DEK: variants seen among roughly 807,000 people sequenced by gnomAD.
DEK encodes protein DEK.
DEK carries 28 observed loss-of-function variants against 46.8 expected under a neutral mutation model. That is an observed-to-expected ratio of 0.60 (90% CI 0.44 to 0.82). The LOEUF (loss-of-function observed/expected upper bound fraction) is 0.82, where lower values mean the gene tolerates loss of function less well. Among genes scored for constraint, DEK ranks in the 40% least tolerant of loss-of-function variants. The probability of loss-of-function intolerance (pLI) is 0.00; values close to 1 mark genes in which losing one functional copy is unlikely to be tolerated. For synonymous variants in DEK, 160 were observed against 144.5 expected, an observed-to-expected ratio of 1.11 and a Z score of -0.77; for missense variants, 416 against 430.6, an observed-to-expected ratio of 0.97 and a Z score of 0.30.
intron 1 of DEK, 150 bp downstream of exon 1, chr6:18,264,235 G>A: frequency 3.3e-6 from 1 of 301,936 alleles, no homozygotes; most frequent in Non-Finnish European, 6.0e-6. Context: ...GCGCGCGCCC[G>A]CCCGGCCTGC....
At chr6:18,236,166 C>G (rs545515613) in intron 9 of DEK, among the ~76,000 whole-genome samples, 20 of 152,260 alleles carry the variant, frequency 1.3e-4, no homozygotes, top group African/African-American at 4.8e-4. Flanking sequence ...ATAGAAACAA[C>G]CTACAGATCA....
At chr6:18,259,511 T>C (rs1338003332) in intron 2 of DEK, among the ~76,000 whole-genome samples, 1 of 150,064 alleles carries the variant, frequency 6.7e-6, no homozygotes, top group Non-Finnish European at 1.5e-5. Flanking sequence ...ATTTTTTGAA[T>C]GAAATAAAGT....
At chr6:18,247,992 C>CACCT (rs1245618481) in intron 7 of DEK, among the ~76,000 whole-genome samples, 1 of 152,050 alleles carries the variant, frequency 6.6e-6, no homozygotes, top group Non-Finnish European at 1.5e-5. Flanking sequence ...TTTTAACCTG[C>CACCT]ACCTAGTAAT....
At chr6:18,226,375 A>C in intron 9 of DEK, 133 bp from the exon 10 acceptor site, 2 of 706,444 alleles carry the variant, frequency 2.8e-6, no homozygotes, top group Non-Finnish European at 4.1e-6. Context: ...TGGTTAACCC[A>C]TATGGAATTC....
At chr6:18,236,319 G>C in intron 9 of DEK, 133 bp downstream of exon 9, 1 of 898,002 alleles carries the variant, frequency 1.1e-6, no homozygotes, top group Non-Finnish European at 1.6e-6. Context: ...CCTGTAAGGA[G>C]ATCTGGCATA....
chr6:18,236,344 A>G lies in DEK; in HGVS notation c.1047+108T>C, dbSNP rs1019051614. On this transcript the variant is annotated intron_variant, in intron 9 of 10. Transcript: ENST00000652689. ...GATCTGGCATATAGTAGTTCAATAA[A>G]TCTTTCTTCAATAAGTGAATGCACG... 7 of 1,232,466 alleles carry G rather than the reference A, an allele frequency of 5.7e-6. No individual in the cohort carries two copies. The Admixed American group carries it at 1.7e-4, about 31-fold the overall frequency. 76.3% of individuals were successfully genotyped at this position (1,232,466 alleles called of 1,614,324 possible).
At chr6:18,255,934 C>A in intron 5 of DEK, 83 bp from the exon 6 acceptor site, 2 of 1,462,218 alleles carry the variant, frequency 1.4e-6, no homozygotes. Flanking sequence ...GAAAGCCAAC[C>A]AAATTGGCTC....
intron 6 of DEK, among the ~76,000 whole-genome samples, chr6:18,254,546 T>C (rs1262701236): frequency 1.3e-5 from 2 of 152,150 alleles, no homozygotes; most frequent in Non-Finnish European, 2.9e-5. Context: ...TAATGTCAAA[T>C]ACAGTGAAGA....
chr6:18,264,183 G>C, intron 1 of DEK, 187 bp from the exon 2 acceptor site: 1 of 457,160 alleles, frequency 2.2e-6, no homozygotes, highest in Non-Finnish European at 3.6e-6. Context: ...CCGCCGTCCA[G>C]GGATTCCCGA....
chr6:18,226,081 G>A (rs1790112413), intron 10 of DEK, 93 bp downstream of exon 10: 1 of 1,004,684 alleles, frequency 1.0e-6, no homozygotes, highest in Non-Finnish European at 1.4e-6. Context: ...GTGATATTTA[G>A]TGACATGAAT....
At chr6:18,262,712 C>T (rs1158581095) in intron 2 of DEK, among the ~76,000 whole-genome samples, 4 of 152,142 alleles carry the variant, frequency 2.6e-5, no homozygotes, top group Admixed American at 2.0e-4. Flanking sequence ...AAGTGCAGAG[C>T]CTCTTTGGCT....
In DEK at chr6:18,263,823, T is replaced by C; in HGVS notation, c.145+20A>G. The C allele has an allele frequency of 6.2e-7, 1 of 1,611,800 alleles. No individual in the cohort carries two copies. Among genetic ancestry groups the C allele is most frequent in the South Asian group, 1.1e-5 (1 of 90,704 alleles). On this transcript the variant is annotated intron_variant, in intron 2 of 10. Coordinates refer to ENST00000652689, the MANE Select transcript of DEK (RefSeq NM_003472.4). Reference sequence around the variant, plus strand: ...ACTTCGGTCTGAAAAATTCATCAGTTGGGATGCGACTCCCCCCACCTTTTT... The same window carrying C: ...ACTTCGGTCTGAAAAATTCATCAGTCGGGATGCGACTCCCCCCACCTTTTT...
intron 6 of DEK, among the ~76,000 whole-genome samples, chr6:18,251,117 A>G (rs1410219908): frequency 6.6e-6 from 1 of 152,238 alleles, no homozygotes; most frequent in East Asian, 1.9e-4. Flanking sequence ...ATTGAAAACC[A>G]TAAAATTACC....
At chr6:18,253,855 C>G (rs147377543) in intron 6 of DEK, among the ~76,000 whole-genome samples, 65 of 152,036 alleles carry the variant, frequency 4.3e-4, no homozygotes, top group African/African-American at 1.6e-3. Flanking sequence ...TGGGATTACA[C>G]GAGCGTGCCT....
chr6:18,250,426 G>A (rs541062257), intron 6 of DEK, among the ~76,000 whole-genome samples: 2 of 152,132 alleles, frequency 1.3e-5, no homozygotes, highest in Non-Finnish European at 2.9e-5. Context: ...CCGAGATCGC[G>A]CCACTGCAGT....
At chr6:18,244,885 T>C (rs1025499434) in intron 7 of DEK, among the ~76,000 whole-genome samples, 8 of 152,212 alleles carry the variant, frequency 5.3e-5, no homozygotes, top group African/African-American at 1.4e-4. Context: ...GTGAAAGGAC[T>C]AACAAAACTT....
intron 9 of DEK, among the ~76,000 whole-genome samples, chr6:18,230,951 T>C (rs1031476018): frequency 2.0e-5 from 3 of 152,206 alleles, no homozygotes; most frequent in African/African-American, 7.2e-5. Context: ...ATCGCACTTA[T>C]TCCAAAATTG....
At chr6:18,263,821 G>C (rs1336037397) in intron 2 of DEK, 22 bp downstream of exon 2, 5 of 1,611,418 alleles carry the variant, frequency 3.1e-6, no homozygotes, top group Non-Finnish European at 4.2e-6. Flanking sequence ...AAATTCATCA[G>C]TTGGGATGCG....
At chr6:18,232,567 A>G (rs571362147) in intron 9 of DEK, among the ~76,000 whole-genome samples, 2 of 152,270 alleles carry the variant, frequency 1.3e-5, no homozygotes, top group Admixed American at 6.5e-5. Context: ...CTATACACCC[A>G]TAACAGACAG....
Sources: allele counts gnomAD v4.1 joint callset (sites outside exome capture counted in the v4.1 genomes callset), GRCh38; gene constraint gnomAD v4.1.1; transcripts MANE v1.5; gene names NCBI Gene and HGNC (gene_info 2026-07-23, HGNC 2026-07-21).